The following NEGR1 variants were observed in gnomAD, a reference collection of about 807,000 sequenced individuals.
NEGR1 encodes IgLON family member 4.
Under a neutral mutation model 40.9 loss-of-function variants are expected in NEGR1, and 10 were observed. The observed-to-expected ratio is 0.24, with a 90% CI of 0.15 to 0.42. The LOEUF (loss-of-function observed/expected upper bound fraction) is 0.42, where lower values mean the gene tolerates loss of function less well. Among genes scored for constraint, NEGR1 ranks in the 10% least tolerant of loss-of-function variants. The probability of loss-of-function intolerance (pLI) is 1.00; values close to 1 mark genes in which losing one functional copy is unlikely to be tolerated. For missense variants in NEGR1, 352 were observed against 438.9 expected, an observed-to-expected ratio of 0.80 and a Z score of 1.77; for synonymous variants, 185 against 166.8, an observed-to-expected ratio of 1.11 and a Z score of -0.84.
intron 3 of NEGR1, among the ~76,000 whole-genome samples, chr1:71,728,477 C>A (rs1654747948): frequency 6.6e-6 from 1 of 152,162 alleles, no homozygotes; most frequent in Non-Finnish European, 1.5e-5. Flanking sequence ...ATGGAGACCA[C>A]AGACTTACCC....
intron 6 of NEGR1, among the ~76,000 whole-genome samples, chr1:71,454,637 T>C (rs986811222): frequency 4.6e-5 from 7 of 152,142 alleles, no homozygotes; most frequent in African/African-American, 1.4e-4. Flanking sequence ...AGTGGAAGCA[T>C]GAGAAATGGA....
chr1:72,082,718 A>C (rs940567950), intron 1 of NEGR1, among the ~76,000 whole-genome samples: 123 of 150,716 alleles, frequency 8.2e-4, no homozygotes, highest in Middle Eastern at 3.4e-3. Flanking sequence ...AAAAAACAAA[A>C]AAAAAAAAAC....
At chr1:71,868,385 TAAAC>T (rs1471158025) in intron 2 of NEGR1, among the ~76,000 whole-genome samples, 1 of 152,024 alleles carries the variant, frequency 6.6e-6, no homozygotes, top group Non-Finnish European at 1.5e-5. Context: ...ATAGCCATCT[TAAAC>T]AAATGAGTTA....
chr1:71,427,733 T>C (rs1646437534), intron 6 of NEGR1, among the ~76,000 whole-genome samples: 1 of 152,184 alleles, frequency 6.6e-6, no homozygotes, highest in Admixed American at 6.5e-5. Context: ...CAATAAAATA[T>C]ACATTTTGGT....
rs184746319 is a variant in NEGR1 at position 71,803,944 on chromosome 1, C to G, written c.410-27647G>C. On this transcript the variant is annotated intron_variant, in intron 2 of 6. Transcript: ENST00000357731. The stretch of plus-strand genomic sequence containing the variant: ...ATTAATGGAAATGTATTTATATTTT[C>G]TTCTCTGCTAGTCAAAGAATAATGA... Among the ~76,000 whole-genome samples the G allele has an allele frequency of 1.0e-3, 156 of 152,070 alleles. 1 individual carries two copies. Among genetic ancestry groups the G allele is most frequent in the African/African-American group, 3.6e-3 (151 of 41,484 alleles).
chr1:71,571,765 G>A (rs1309783033), intron 6 of NEGR1, among the ~76,000 whole-genome samples: 1 of 141,006 alleles, frequency 7.1e-6, no homozygotes, highest in Non-Finnish European at 1.5e-5. Context: ...TCCAGCCTGG[G>A]TGACAGAGGG....
intron 6 of NEGR1, among the ~76,000 whole-genome samples, chr1:71,501,968 G>A (rs139911642): frequency 6.6e-6 from 1 of 152,086 alleles, no homozygotes. Flanking sequence ...GGCAAAATAC[G>A]TTGAAATAAA....
intron 2 of NEGR1, among the ~76,000 whole-genome samples, chr1:71,816,706 C>T (rs566067137): frequency 6.6e-6 from 1 of 152,072 alleles, no homozygotes; most frequent in African/African-American, 2.4e-5. Context: ...TTGTTTCATA[C>T]AGTCAAGTAG....
intron 1 of NEGR1, among the ~76,000 whole-genome samples, chr1:71,956,056 A>G (rs1308112892): frequency 6.6e-6 from 1 of 152,200 alleles, no homozygotes; most frequent in Non-Finnish European, 1.5e-5. Flanking sequence ...AAGTACATAA[A>G]TAAATATTTT....
At chr1:72,057,012 A>G (rs1242570891) in intron 1 of NEGR1, among the ~76,000 whole-genome samples, 1 of 151,478 alleles carries the variant, frequency 6.6e-6, no homozygotes, top group Non-Finnish European at 1.5e-5. Context: ...TTGTGTCCCC[A>G]AAGTACTTGA....
At chr1:71,622,843 A>G (rs762100360) in intron 4 of NEGR1, among the ~76,000 whole-genome samples, 2 of 151,858 alleles carry the variant, frequency 1.3e-5, no homozygotes, top group African/African-American at 2.4e-5. Flanking sequence ...AGTTTCCTCC[A>G]AAGATCTAAT....
At chr1:72,240,986 A>T (rs1017586902) in intron 1 of NEGR1, among the ~76,000 whole-genome samples, 2 of 151,728 alleles carry the variant, frequency 1.3e-5, no homozygotes, top group African/African-American at 2.4e-5. Flanking sequence ...AAAATTAGAT[A>T]AAAAAACTGC....
intron 4 of NEGR1, among the ~76,000 whole-genome samples, chr1:71,669,980 T>G (rs1428488163): frequency 6.6e-6 from 1 of 152,162 alleles, no homozygotes; most frequent in Admixed American, 6.6e-5. Context: ...TCTAAAACAT[T>G]ATTACTAGTG....
intron 1 of NEGR1, among the ~76,000 whole-genome samples, chr1:72,258,452 C>T (rs1288303684): frequency 6.6e-6 from 1 of 151,868 alleles, no homozygotes; most frequent in African/African-American, 2.4e-5. Context: ...ATAAATATGT[C>T]CCCCAAATGT....
chr1:72,123,275 A>G (rs1428742911), intron 1 of NEGR1, among the ~76,000 whole-genome samples: 7 of 151,910 alleles, frequency 4.6e-5, no homozygotes, highest in African/African-American at 1.7e-4. Flanking sequence ...TTTCCATATC[A>G]GTTTAAATGT....
chr1:72,240,719 G>C (rs902055445), intron 1 of NEGR1, among the ~76,000 whole-genome samples: 1 of 151,822 alleles, frequency 6.6e-6, no homozygotes, highest in Non-Finnish European at 1.5e-5. Context: ...GGTAACATCT[G>C]TTTGGTTTTG....
At chr1:71,712,010 G>A (rs1654110833) in intron 3 of NEGR1, among the ~76,000 whole-genome samples, 1 of 152,196 alleles carries the variant, frequency 6.6e-6, no homozygotes, top group African/African-American at 2.4e-5. Context: ...TGTTCCAAGA[G>A]GGTGGAGAAG....
chr1:71,618,491 G>A (rs190014925), intron 4 of NEGR1, among the ~76,000 whole-genome samples: 147 of 152,188 alleles, frequency 9.7e-4, no homozygotes, highest in Non-Finnish European at 1.7e-3. Context: ...TGCAGTCACA[G>A]CCACCAAAAT....
At chr1:71,730,589 A>G (rs898899928) in intron 3 of NEGR1, among the ~76,000 whole-genome samples, 3 of 146,814 alleles carry the variant, frequency 2.0e-5, no homozygotes, top group African/African-American at 7.4e-5. Flanking sequence ...ATATATATAT[A>G]TATAAATTTG....
Sources: gnomAD v4.1 joint callset for allele counts (sites outside exome capture counted in the v4.1 genomes callset) on GRCh38, gnomAD v4.1.1 for gene constraint, MANE v1.5 for transcripts, NCBI Gene and HGNC (gene_info 2026-07-23, HGNC 2026-07-21) for gene names.